SYNPO: variants seen among roughly 807,000 people sequenced by gnomAD.
SYNPO encodes synaptopodin.
In SYNPO, 19 loss-of-function variants were observed where a neutral mutation model predicts 49.5. The ratio of observed to expected loss-of-function variants is 0.38; its 90% CI spans 0.27 to 0.56. The LOEUF is 0.56. SYNPO is among the 20% of genes least tolerant of loss of function. SYNPO has a pLI of 0.68. For synonymous variants in SYNPO, 536 were observed against 548.0 expected, an observed-to-expected ratio of 0.98 and a Z score of 0.31; for missense variants, 1,131 against 1,248.3, an observed-to-expected ratio of 0.91 and a Z score of 1.42.
rs766296237 is a variant in SYNPO at position 150,649,617 on chromosome 5, G to A, written c.1342G>A (p.Val448Met). The A allele has an allele frequency of 6.2e-7, 1 of 1,609,082 alleles. No individual in the cohort carries two copies. Among genetic ancestry groups the A allele is most frequent in the South Asian group, 1.1e-5 (1 of 91,036 alleles). Residue 448 changes from valine (V) to methionine (M), a missense_variant, in exon 2 of 3, where the codon GTG becomes ATG. Val to Met is a conservative substitution (Grantham distance 21, BLOSUM62 1). Coordinates refer to ENST00000307662, the MANE Select transcript of SYNPO (RefSeq NM_007286.6). ...GGCCAGCCCCGCGGCGGCGGAGGAGGTGGTACCAGAGTGGGCCTCCTGCCT... is the reference window on the plus strand; with the variant it reads ...GGCCAGCCCCGCGGCGGCGGAGGAGATGGTACCAGAGTGGGCCTCCTGCCT... ...DRASPAAAEE[V>M]VPEWASCLKS... is the part of the protein sequence containing the mutation.
rs1581478104 is a variant in SYNPO at position 150,627,819 on chromosome 5, G to C, written c.400+9052G>C. Among the ~76,000 whole-genome samples, 4 of 152,120 alleles carry C rather than the reference G, an allele frequency of 2.6e-5. No homozygotes were observed. In the South Asian group the frequency reaches 8.3e-4, roughly 31 times the overall value. On this transcript the variant is annotated intron_variant, in intron 2 of 2. Transcript: ENST00000394243. ...GGGGGAGGATTTGGTTGGGAGGAAAGGTTTCCCAGAAGATGGTCATGCTCT... is the reference window on the plus strand; with the variant it reads ...GGGGGAGGATTTGGTTGGGAGGAAACGTTTCCCAGAAGATGGTCATGCTCT...
chr5:150,632,093 C>T (rs912204019), intron 2 of SYNPO, among the ~76,000 whole-genome samples: 7 of 152,170 alleles, frequency 4.6e-5, no homozygotes, highest in African/African-American at 1.7e-4. Context: ...CATCCTGAGC[C>T]CAGCTCTGCT....
At chr5:150,599,505 C>G (rs1162331108), upstream of SYNPO, among the ~76,000 whole-genome samples, 1 of 152,192 alleles carries the variant, frequency 6.6e-6, no homozygotes, top group Non-Finnish European at 1.5e-5. Flanking sequence ...CGCACTGGCT[C>G]TGGAGTCAGG....
the SYNPO span, among the ~76,000 whole-genome samples, chr5:150,588,170 C>T: frequency 2.6e-5 from 4 of 152,172 alleles, no homozygotes; most frequent in Non-Finnish European, 5.9e-5. Context: ...CTTTATGGAC[C>T]CTGGGAGCTT....
At chr5:150,595,705 G>A in the SYNPO span, among the ~76,000 whole-genome samples, 1 of 152,204 alleles carries the variant, frequency 6.6e-6, no homozygotes, top group African/African-American at 2.4e-5. Context: ...GACTGTGCTG[G>A]CCTTCGCGAT....
chr5:150,618,207 T>C, exon 2 of SYNPO: 1 of 862,162 alleles, frequency 1.2e-6, no homozygotes, highest in Non-Finnish European at 1.7e-6. Context: ...CAGCCAGACC[T>C]CACCCCAATT....
chr5:150,643,530 G>A (rs368061115), intron 1 of SYNPO, among the ~76,000 whole-genome samples: 1 of 152,222 alleles, frequency 6.6e-6, no homozygotes, highest in African/African-American at 2.4e-5. Context: ...GAATGAAAGA[G>A]AAAACTTTTT....
Position 150,657,733 on chromosome 5 carries a change from C to G in SYNPO, c.*646C>G, listed in dbSNP as rs1034350086. 2 of 152,554 alleles carry G rather than the reference C, an allele frequency of 1.3e-5. No individual in the cohort carries two copies. Among genetic ancestry groups the G allele is most frequent in the Non-Finnish European group, 2.9e-5 (2 of 68,214 alleles). 9.5% of individuals were successfully genotyped at this position (152,554 alleles called of 1,614,324 possible). A position where few individuals can be genotyped will look rare whatever the true frequency, so the allele number is the denominator to read the frequency against. On this transcript the variant is annotated 3_prime_UTR_variant, in exon 3 of 3. Coordinates refer to ENST00000307662, the MANE Select transcript of SYNPO (RefSeq NM_007286.6). ...ACAAGCTCTATTTTTATCACAATGA[C>G]CTTTAGAGAGGTCTCCCAGGCCAGC...
chr5:150,656,725 T>A lies in SYNPO; in HGVS notation c.2350T>A (p.Ser784Thr). Reference sequence around the variant, plus strand: ...GGGCGCCGAGAACCCGCGGCCCTTCTCCCCGCCGAGGGCGCCACCGCCCCC... The same window carrying A: ...GGGCGCCGAGAACCCGCGGCCCTTCACCCCGCCGAGGGCGCCACCGCCCCC... ...SAGAENPRPFSPPRAPPPPPP... is the reference protein window; with the variant it reads ...SAGAENPRPFTPPRAPPPPPP... The change falls in exon 3 of 3, where the codon TCC becomes ACC. Residue 784 changes from serine (S) to threonine (T), a missense_variant. Around this residue, in one of 4 missense-constraint regions of SYNPO, gnomAD observed 509 missense variants for 484.5 expected, o/e 1.05. Coordinates refer to ENST00000307662, the MANE Select transcript of SYNPO (RefSeq NM_007286.6). 1 of 1,351,580 alleles carries A rather than the reference T, an allele frequency of 7.4e-7. No individual in the cohort carries two copies. The highest frequency in any genetic ancestry group is 9.5e-7 in the Non-Finnish European group (1 of 1,052,584). The allele number at this position is 1,351,580 out of a possible 1,614,324, so 83.7% of individuals were successfully genotyped here.
the SYNPO span, among the ~76,000 whole-genome samples, chr5:150,591,595 C>T: frequency 1.0e-4 from 15 of 143,894 alleles, no homozygotes; most frequent in South Asian, 6.2e-4. Context: ...ATGTTACTTA[C>T]GTAACAGTTT....
At chr5:150,637,590 C>T (rs1757760247), upstream of SYNPO, among the ~76,000 whole-genome samples, 1 of 152,210 alleles carries the variant, frequency 6.6e-6, no homozygotes, top group Non-Finnish European at 1.5e-5. Context: ...CTGGGGAACC[C>T]GCAGGGGTTG....
Position 150,649,734 on chromosome 5 carries a change from C to T in SYNPO, c.1459C>T (p.Arg487Cys), listed in dbSNP as rs761810848. 4.3e-6 allele frequency: 7 copies of T among 1,612,968 alleles called. No homozygotes were observed. Among genetic ancestry groups the T allele is most frequent in the Admixed American group, 3.3e-5 (2 of 60,016 alleles). The change falls in exon 2 of 3, where the codon CGC becomes TGC. Residue 487 changes from arginine (R) to cysteine (C), a missense_variant. By Grantham distance (180) the Arg-to-Cys change is radical. Transcript: ENST00000307662. ...GAAGGGAGCTGAGCTCTACGCCCGCCGCCAGTCACGGATGGAGAAATATGT... is the reference window on the plus strand; with the variant it reads ...GAAGGGAGCTGAGCTCTACGCCCGCTGCCAGTCACGGATGGAGAAATATGT... The part of the protein sequence containing the change: ...SGKGAELYAR[R>C]QSRMEKYVIE...
intron 2 of SYNPO, among the ~76,000 whole-genome samples, chr5:150,624,188 G>A (rs1757269953): frequency 6.6e-6 from 1 of 152,220 alleles, no homozygotes; most frequent in African/African-American, 2.4e-5. Flanking sequence ...GTGGGGACAT[G>A]GTCACCCTTC....
In SYNPO at chr5:150,657,186, G is replaced by C; in HGVS notation, c.*99G>C. 7.6e-7 allele frequency: 1 copy of C among 1,320,072 alleles called. No individual in the cohort carries two copies. The highest frequency in any genetic ancestry group is 1.5e-5 in the African/African-American group (1 of 68,146). The allele number at this position is 1,320,072 out of a possible 1,614,324, so 81.8% of individuals were successfully genotyped here. A position where few individuals can be genotyped will look rare whatever the true frequency, so the allele number is the denominator to read the frequency against. On this transcript the variant is annotated 3_prime_UTR_variant, in exon 3 of 3. Transcript: ENST00000307662. ...TCTGGCCTCTTTGGGCAGCCCCAGA[G>C]ATGAGGGGTCAGCAGAGGAGAGCTC...
chr5:150,640,874 G>A lies in SYNPO; in HGVS notation c.-333+20G>A, dbSNP rs945642105. The A allele has an allele frequency of 2.9e-5, 29 of 984,328 alleles. No individual in the cohort carries two copies. Among genetic ancestry groups the A allele is most frequent in the Admixed American group, 1.2e-4 (2 of 16,276 alleles). 61.0% of individuals were successfully genotyped at this position (984,328 alleles called of 1,614,324 possible). A position where few individuals can be genotyped will look rare whatever the true frequency, so the allele number is the denominator to read the frequency against. On this transcript the variant is annotated intron_variant, in intron 1 of 2. Coordinates refer to ENST00000307662, the MANE Select transcript of SYNPO (RefSeq NM_007286.6). ...AGCAGAGTGAGTAAGATGAGCACCC[G>A]GAGGTGCCTTTGTGGCTTGGGGTAT...
At chr5:150,634,154 T>C (rs1242790851) in intron 2 of SYNPO, among the ~76,000 whole-genome samples, 1 of 152,172 alleles carries the variant, frequency 6.6e-6, no homozygotes, top group African/African-American at 2.4e-5. Flanking sequence ...ACAGAACCCC[T>C]TCGGGAGCCT....
At chr5:150,634,861 CACCACACA>C (rs1321283160) in intron 2 of SYNPO, among the ~76,000 whole-genome samples, 19 of 67,632 alleles carry the variant, frequency 2.8e-4, no homozygotes, top group Non-Finnish European at 5.2e-5. Flanking sequence ...CACACACACA[CACCACACA>C]CACACACACA....
At chr5:150,636,025 T>C (rs1051693910), upstream of SYNPO, among the ~76,000 whole-genome samples, 1 of 152,238 alleles carries the variant, frequency 6.6e-6, no homozygotes, top group Non-Finnish European at 1.5e-5. Context: ...GTCCCTGCTT[T>C]ATTTTTTTAT....
intron 2 of SYNPO, among the ~76,000 whole-genome samples, chr5:150,633,655 A>T (rs1294446175): frequency 6.6e-6 from 1 of 152,204 alleles, no homozygotes; most frequent in Non-Finnish European, 1.5e-5. Context: ...GAGCCAATGA[A>T]CCATGTGCAG....
Sources: allele counts gnomAD v4.1 joint callset (sites outside exome capture counted in the v4.1 genomes callset), GRCh38; gene constraint gnomAD v4.1.1; regional missense constraint gnomAD v4.1.1; transcripts MANE v1.5; gene names NCBI Gene and HGNC (gene_info 2026-07-23, HGNC 2026-07-21).